The following PPFIA2 variants were observed in gnomAD, a reference collection of about 807,000 sequenced individuals.
PPFIA2 encodes liprin-alpha-2.
A neutral mutation model predicts 175.5 loss-of-function variants in PPFIA2; 46 were observed. That is an observed-to-expected ratio of 0.26 (90% CI 0.21 to 0.34). PPFIA2 has a LOEUF of 0.34. Ranked by LOEUF, PPFIA2 falls within the 10% of genes least tolerant of loss-of-function variation. The pLI is 1.00. For synonymous variants in PPFIA2, 568 were observed against 511.4 expected (o/e 1.11, Z -1.49); for missense variants, 1,179 against 1,506.1 (o/e 0.78, Z 3.60).
chr12:81,462,573 TATATATATATAC>T (rs2054791365), intron 4 of PPFIA2, among the ~76,000 whole-genome samples: 3 of 57,604 alleles, frequency 5.2e-5, no homozygotes, highest in South Asian at 1.5e-3. Flanking sequence ...TATATGTGTA[TATATATATATAC>T]ATATATATAT....
At chr12:81,394,180 T>A (rs1481487499) in intron 8 of PPFIA2, among the ~76,000 whole-genome samples, 1 of 151,998 alleles carries the variant, frequency 6.6e-6, no homozygotes, top group Non-Finnish European at 1.5e-5. Context: ...AACAAAAAAA[T>A]TCCTTTTTGG....
At position 81,358,090 on chromosome 12, in the gene PPFIA2, C is replaced by T. The variant is rs547363834; in HGVS notation, c.1765G>A (p.Glu589Lys). 1.3e-6 allele frequency: 2 copies of T among 1,597,630 alleles called. No individual in the cohort carries two copies. The highest frequency in any genetic ancestry group is 4.5e-5 in the East Asian group (2 of 44,450). ...GAAGTTAAAAGATTAACCTTTGGCT[C>T]ATCTCTTCGCACACCCATGCGGCCT... is the stretch of plus-strand genomic sequence containing the variant. ...RRGRMGVRRDEPKVKSLGDHE... is the reference protein window; with the variant it reads ...RRGRMGVRRDKPKVKSLGDHE... The change falls in exon 16 of 33, where the codon GAG becomes AAG. Residue 589 changes from glutamate to lysine, a missense_variant. Coordinates refer to ENST00000549396, the MANE Select transcript of PPFIA2 (RefSeq NM_003625.5).
rs550524004 is a variant in PPFIA2 at position 81,291,293 on chromosome 12, T to C, written c.2925+3542A>G. On this transcript the variant is annotated intron_variant, in intron 24 of 32. Coordinates refer to ENST00000549396, the MANE Select transcript of PPFIA2 (RefSeq NM_003625.5). ...TGCTATAAACAATATATTTTTTATG[T>C]TTCAAATGTTCATTTTTGTCTGAAG... Among the ~76,000 whole-genome samples, 6 of 152,092 alleles carry C rather than the reference T, an allele frequency of 3.9e-5. No individual in the cohort carries two copies. The East Asian group carries it at 9.6e-4, about 24-fold the overall frequency.
At chr12:81,561,862 T>C (rs1054166789) in intron 4 of PPFIA2, among the ~76,000 whole-genome samples, 7 of 152,340 alleles carry the variant, frequency 4.6e-5, no homozygotes, top group Middle Eastern at 3.4e-3. Context: ...TGATTTATCT[T>C]GTCTGCATTG....
At chr12:81,418,614 A>G (rs116288457) in intron 7 of PPFIA2, among the ~76,000 whole-genome samples, 1 of 152,124 alleles carries the variant, frequency 6.6e-6, no homozygotes, top group African/African-American at 2.4e-5. Flanking sequence ...GACAGAGACC[A>G]TCTGGCTCAT....
chr12:81,488,125 A>AT (rs1567031402), intron 4 of PPFIA2, among the ~76,000 whole-genome samples: 1 of 151,824 alleles, frequency 6.6e-6, no homozygotes, highest in Non-Finnish European at 1.5e-5. Context: ...GATGGTCTAT[A>AT]TTTCATTGTC....
At chr12:81,331,254 G>A (rs2056065332) in intron 21 of PPFIA2, among the ~76,000 whole-genome samples, 1 of 152,164 alleles carries the variant, frequency 6.6e-6, no homozygotes, top group Non-Finnish European at 1.5e-5. Context: ...ATTGCCTACA[G>A]TGTTCAGTAC....
intron 3 of PPFIA2, among the ~76,000 whole-genome samples, chr12:81,739,913 C>T (rs2082128933): frequency 6.6e-6 from 1 of 151,952 alleles, no homozygotes; most frequent in Admixed American, 6.6e-5. Context: ...CTTCTTCTGG[C>T]AAATATCTTA....
chr12:81,346,094 T>C (rs1255202236), intron 18 of PPFIA2, among the ~76,000 whole-genome samples: 1 of 152,216 alleles, frequency 6.6e-6, no homozygotes, highest in African/African-American at 2.4e-5. Flanking sequence ...ACATAAGTTT[T>C]ATGGCTTGGA....
chr12:81,383,612 A>C (rs2038268671), intron 9 of PPFIA2, among the ~76,000 whole-genome samples: 1 of 152,144 alleles, frequency 6.6e-6, no homozygotes, highest in Non-Finnish European at 1.5e-5. Context: ...ATTAACAGAG[A>C]TACATTCCCC....
intron 4 of PPFIA2, among the ~76,000 whole-genome samples, chr12:81,656,215 G>T (rs1477068892): frequency 6.6e-6 from 1 of 151,878 alleles, no homozygotes; most frequent in Non-Finnish European, 1.5e-5. Flanking sequence ...GCGTATTTTA[G>T]AATTTTTTTG....
chr12:81,549,979 T>A (rs2067630337), intron 4 of PPFIA2, among the ~76,000 whole-genome samples: 1 of 152,000 alleles, frequency 6.6e-6, no homozygotes, highest in East Asian at 1.9e-4. Flanking sequence ...CTAAGATTTT[T>A]AAGGTATATT....
At chr12:81,624,449 T>C (rs537917810) in intron 4 of PPFIA2, among the ~76,000 whole-genome samples, 130 of 146,966 alleles carry the variant, frequency 8.8e-4, no homozygotes, top group Non-Finnish European at 1.6e-3. Context: ...ATTATATGTA[T>C]AATTATAGTG....
chr12:81,299,171 A>C, intron 23 of PPFIA2, 130 bp downstream of exon 23: 2 of 1,223,216 alleles, frequency 1.6e-6, no homozygotes, highest in Non-Finnish European at 2.1e-6. Flanking sequence ...CCTAGTAAGC[A>C]AATAGTCCCT....
intron 3 of PPFIA2, among the ~76,000 whole-genome samples, chr12:81,712,024 A>G (rs1244664059): frequency 6.6e-6 from 1 of 151,306 alleles, no homozygotes; most frequent in Non-Finnish European, 1.5e-5. Context: ...AGAATATTTT[A>G]CAAAAGTCAT....
At chr12:81,492,206 C>G (rs1430224947) in intron 4 of PPFIA2, among the ~76,000 whole-genome samples, 1 of 151,372 alleles carries the variant, frequency 6.6e-6, no homozygotes, top group African/African-American at 2.4e-5. Flanking sequence ...AAAAAACCCA[C>G]AAAAAGTCTC....
intron 21 of PPFIA2, among the ~76,000 whole-genome samples, chr12:81,334,955 C>G (rs1357713495): frequency 6.6e-6 from 1 of 152,204 alleles, no homozygotes; most frequent in African/African-American, 2.4e-5. Context: ...GTGTTACCAT[C>G]CTCTGGAATT....
At chr12:81,498,736 T>C (rs2147311981) in intron 4 of PPFIA2, among the ~76,000 whole-genome samples, 1 of 152,264 alleles carries the variant, frequency 6.6e-6, no homozygotes, top group Middle Eastern at 3.4e-3. Flanking sequence ...GTGATTCTCT[T>C]GCCTCAGCCT....
At position 81,258,769 on chromosome 12, in the gene PPFIA2, ACT is replaced by A. The variant is rs2034486817; in HGVS notation, c.*923_*924del. 6.6e-6 allele frequency: 1 copy of A among 150,734 alleles called. No individual in the cohort carries two copies. Among genetic ancestry groups the A allele is most frequent in the Non-Finnish European group, 1.5e-5 (1 of 67,570 alleles). 9.3% of individuals were successfully genotyped at this position (150,734 alleles called of 1,614,324 possible). A position where few individuals can be genotyped will look rare whatever the true frequency, so the allele number is the denominator to read the frequency against. ...TTTCTCTAGTGGAAATGAGCCTCAG[ACT>A]CTGCGGTGGTTGACATTCACTGTCC... On this transcript the variant is annotated 3_prime_UTR_variant, in exon 33 of 33. Coordinates refer to ENST00000549396, the MANE Select transcript of PPFIA2 (RefSeq NM_003625.5).
Sources: allele counts gnomAD v4.1 joint callset (sites outside exome capture counted in the v4.1 genomes callset), GRCh38; gene constraint gnomAD v4.1.1; transcripts MANE v1.5; gene names NCBI Gene and HGNC (gene_info 2026-07-23, HGNC 2026-07-21).